The following DLGAP2 variants were observed in gnomAD, a reference collection of about 807,000 sequenced individuals.
DLGAP2 encodes disks large-associated protein 2.
DLGAP2 carries 26 observed loss-of-function variants against 100.3 expected under a neutral mutation model. The observed-to-expected ratio is 0.26, with a 90% CI of 0.19 to 0.36. DLGAP2 has a LOEUF of 0.36. Ranked by LOEUF, DLGAP2 falls within the 10% of genes least tolerant of loss-of-function variation. The probability of loss-of-function intolerance (pLI) is 1.00; values close to 1 mark genes in which losing one functional copy is unlikely to be tolerated. For missense variants in DLGAP2, 1,858 were observed against 1,453.2 expected, an observed-to-expected ratio of 1.28 and a Z score of -4.53; for synonymous variants, 886 against 630.1, an observed-to-expected ratio of 1.41 and a Z score of -6.08.
rs561287111 is a variant in DLGAP2, at chr8:946,339, T to C, written c.73+38373T>C. ...AGTGCAGTGGTGCGATCTGGGCTCA[T>C]TGCAAGCTCCGCCTCCCGGGTTCAC... On this transcript the variant is annotated intron_variant, in intron 2 of 14. Transcript: ENST00000637795. 1.4e-3 allele frequency among the ~76,000 whole-genome samples: 209 copies of C among 151,690 alleles called. 3 individuals carry two copies. Among genetic ancestry groups the C allele is most frequent in the South Asian group, 4.0e-3 (19 of 4,764 alleles).
intron 4 of DLGAP2, among the ~76,000 whole-genome samples, chr8:1,515,339 C>T (rs1584974808): frequency 6.6e-6 from 1 of 152,220 alleles, no homozygotes; most frequent in Non-Finnish European, 1.5e-5. Context: ...GGAGTCCTCT[C>T]CCTTCCCTTA....
intron 2 of DLGAP2, among the ~76,000 whole-genome samples, chr8:1,024,137 A>G (rs566591058): frequency 5.5e-4 from 82 of 149,772 alleles, no homozygotes; most frequent in African/African-American, 1.9e-3. Flanking sequence ...GGACAGTCCC[A>G]TGCCAAGGTA....
chr8:771,698 C>T (rs531451551), intron 1 of DLGAP2, among the ~76,000 whole-genome samples: 1 of 152,350 alleles, frequency 6.6e-6, no homozygotes, highest in South Asian at 2.1e-4. Context: ...GGGGCTCTGC[C>T]CCACTGTTAG....
chr8:1,338,526 G>C (rs1244481300), intron 3 of DLGAP2, among the ~76,000 whole-genome samples: 1 of 152,142 alleles, frequency 6.6e-6, no homozygotes, highest in Non-Finnish European at 1.5e-5. Context: ...TATGTTTTGG[G>C]GTGATGCAAA....
intron 10 of DLGAP2, among the ~76,000 whole-genome samples, chr8:1,672,140 A>C (rs1160334279): frequency 6.6e-6 from 1 of 152,190 alleles, no homozygotes; most frequent in African/African-American, 2.4e-5. Context: ...GGCCTGGTCT[A>C]ACATTCAGGG....
chr8:1,599,959 C>T (rs1429915255), intron 6 of DLGAP2, among the ~76,000 whole-genome samples: 11 of 152,172 alleles, frequency 7.2e-5, no homozygotes, highest in Admixed American at 7.2e-4. Context: ...GCAATTTCTT[C>T]ATAGTGTCGA....
At chr8:795,175 C>T (rs1347669472) in intron 1 of DLGAP2, among the ~76,000 whole-genome samples, 1 of 152,192 alleles carries the variant, frequency 6.6e-6, no homozygotes. Context: ...AACACTGAAC[C>T]CTTGCTCCTG....
intron 4 of DLGAP2, among the ~76,000 whole-genome samples, chr8:1,514,372 G>A (rs1263898273): frequency 6.6e-6 from 1 of 152,192 alleles, no homozygotes; most frequent in Non-Finnish European, 1.5e-5. Flanking sequence ...CCTGCTTTCT[G>A]TTTCACATAA....
rs79348423 is a variant in DLGAP2, at chr8:968,704, T to C, written c.73+60738T>C. On this transcript the variant is annotated intron_variant, in intron 2 of 14. Coordinates refer to ENST00000637795, the MANE Select transcript of DLGAP2 (RefSeq NM_001346810.2). The stretch of plus-strand genomic sequence containing the variant: ...ACGAAAGAAAGAAAGCCCTTATACA[T>C]GCACTGGGCAGCACCTGTGTCAGCG... Among the ~76,000 whole-genome samples the C allele has an allele frequency of 5.3e-3, 808 of 152,286 alleles. 7 individuals carry two copies. The highest frequency in any genetic ancestry group is 0.018 in the African/African-American group (767 of 41,552).
At chr8:1,143,086 C>CA (rs928290496) in intron 2 of DLGAP2, among the ~76,000 whole-genome samples, 45 of 152,316 alleles carry the variant, frequency 3.0e-4, no homozygotes, top group African/African-American at 1.1e-3. Context: ...GCGGGGCCAC[C>CA]AGCTGCTTGA....
chr8:1,024,996 A>G (rs944537448), intron 2 of DLGAP2, among the ~76,000 whole-genome samples: 3 of 152,056 alleles, frequency 2.0e-5, no homozygotes, highest in Non-Finnish European at 4.4e-5. Context: ...CCACAAGAGT[A>G]GCCGTTCTCT....
chr8:1,164,342 C>CTCCCAGGGCCTGT (rs1397973885), intron 2 of DLGAP2, among the ~76,000 whole-genome samples: 1 of 130,004 alleles, frequency 7.7e-6, no homozygotes, highest in African/African-American at 2.6e-5. Flanking sequence ...TTCTGTGAGC[C>CTCCCAGGGCCTGT]CGCAGGGCCC....
chr8:924,924 G>T (rs976525182), intron 2 of DLGAP2, among the ~76,000 whole-genome samples: 5 of 152,098 alleles, frequency 3.3e-5, no homozygotes, highest in South Asian at 2.1e-4. Flanking sequence ...CGTTGTGAAG[G>T]CCTGCTTGCT....
At chr8:1,072,799 C>T (rs10090803) in intron 2 of DLGAP2, among the ~76,000 whole-genome samples, 21,427 of 152,258 alleles carry the variant, frequency 0.14, 1,953 homozygotes, top group Non-Finnish European at 0.21. Flanking sequence ...TTGTTAGGCA[C>T]GTACCTGGGG....
chr8:1,679,961 C>A (rs1489055883), intron 12 of DLGAP2, among the ~76,000 whole-genome samples: 1 of 103,622 alleles, frequency 9.7e-6, no homozygotes, highest in East Asian at 3.1e-4. Context: ...GCCTGGGCAA[C>A]AGAATGAGAC....
At chr8:994,780 A>G (rs138281158) in intron 2 of DLGAP2, among the ~76,000 whole-genome samples, 1 of 152,280 alleles carries the variant, frequency 6.6e-6, no homozygotes, top group East Asian at 1.9e-4. Context: ...GCTGGCAATG[A>G]AGCAAGTCCC....
chr8:1,280,021 G>T (rs950452566), intron 3 of DLGAP2, among the ~76,000 whole-genome samples: 1 of 152,224 alleles, frequency 6.6e-6, no homozygotes, highest in African/African-American at 2.4e-5. Context: ...GGACTTTGAG[G>T]AGCTTAGAAT....
chr8:781,258 C>T (rs900548338), intron 1 of DLGAP2, among the ~76,000 whole-genome samples: 1 of 152,030 alleles, frequency 6.6e-6, no homozygotes, highest in Admixed American at 6.6e-5. Flanking sequence ...GATGTTAAAA[C>T]TTTGTGTTGA....
intron 3 of DLGAP2, among the ~76,000 whole-genome samples, chr8:1,405,410 T>A (rs1227039626): frequency 3.2e-4 from 5 of 15,776 alleles, no homozygotes; most frequent in Non-Finnish European, 3.6e-4. Context: ...GTGTATTGAG[T>A]GCTTACTGAG....
Sources: allele counts gnomAD v4.1 joint callset (sites outside exome capture counted in the v4.1 genomes callset), GRCh38; gene constraint gnomAD v4.1.1; transcripts MANE v1.5; gene names NCBI Gene and HGNC (gene_info 2026-07-23, HGNC 2026-07-21).